STIM2: variants seen among roughly 807,000 people sequenced by gnomAD.
STIM2 encodes stromal interaction molecule 2.
In STIM2, 31 loss-of-function variants were observed where a neutral mutation model predicts 85.8. That is an observed-to-expected ratio of 0.36 (90% CI 0.27 to 0.49). STIM2 has a LOEUF of 0.49. Among genes scored for constraint, STIM2 ranks in the 20% least tolerant of loss-of-function variants. STIM2 has a pLI of 0.98. For missense variants in STIM2, 841 were observed against 927.6 expected, an observed-to-expected ratio of 0.91 and a Z score of 1.21; for synonymous variants, 356 against 331.1, an observed-to-expected ratio of 1.08 and a Z score of -0.82.
intron 1 of STIM2, among the ~76,000 whole-genome samples, chr4:26,912,173 T>C (rs1417624457): frequency 6.6e-6 from 1 of 152,198 alleles, no homozygotes; most frequent in African/African-American, 2.4e-5. Context: ...TAAAAAGTTC[T>C]CTCAGTGGTA....
At chr4:26,880,036 A>G (rs1025469448) in intron 1 of STIM2, among the ~76,000 whole-genome samples, 14 of 152,208 alleles carry the variant, frequency 9.2e-5, no homozygotes, top group African/African-American at 3.4e-4. Context: ...TACACATAAG[A>G]TAATTTTCTC....
chr4:26,980,871 T>G (rs972418488), intron 3 of STIM2, among the ~76,000 whole-genome samples: 2 of 152,174 alleles, frequency 1.3e-5, no homozygotes, highest in Non-Finnish European at 2.9e-5. Context: ...ATTAGAAGCT[T>G]TTTCAATATT....
In STIM2 at chr4:26,878,534, C is replaced by T. The variant is rs142785921; in HGVS notation, c.151+17165C>T. 1.1e-4 allele frequency among the ~76,000 whole-genome samples: 17 copies of T among 152,222 alleles called. No homozygotes were observed. In the East Asian group the frequency reaches 3.3e-3, roughly 29 times the overall value. The stretch of plus-strand genomic sequence containing the variant: ...TGGGAGAGGTAATTACCTGCTTCTC[C>T]TAGTCTGTAATTGTCTCTCAGACTC... On this transcript the variant is annotated intron_variant, in intron 1 of 11. Coordinates refer to ENST00000467087, the MANE Select transcript of STIM2 (RefSeq NM_020860.4).
chr4:26,966,499 A>G (rs1726723614), intron 3 of STIM2, among the ~76,000 whole-genome samples: 1 of 152,186 alleles, frequency 6.6e-6, no homozygotes, highest in Non-Finnish European at 1.5e-5. Flanking sequence ...TCTTTCTCAG[A>G]CAAGTCTTAT....
chr4:26,899,923 C>T (rs932241479), intron 1 of STIM2, among the ~76,000 whole-genome samples: 26 of 152,194 alleles, frequency 1.7e-4, no homozygotes, highest in Middle Eastern at 3.4e-3. Flanking sequence ...CTGGCTCTGC[C>T]AATTACTGTC....
intron 10 of STIM2, among the ~76,000 whole-genome samples, chr4:27,016,193 C>G (rs1728725596): frequency 6.6e-6 from 1 of 152,070 alleles, no homozygotes; most frequent in East Asian, 1.9e-4. Flanking sequence ...TTTCTTTTCT[C>G]ATATTTTCAA....
At chr4:26,921,191 A>G (rs1560207947) in intron 2 of STIM2, among the ~76,000 whole-genome samples, 1 of 152,208 alleles carries the variant, frequency 6.6e-6, no homozygotes, top group Non-Finnish European at 1.5e-5. Context: ...ATAACTGCAA[A>G]TCAAGGAATG....
Position 26,994,968 on chromosome 4 carries a change from C to T in STIM2, c.398-411C>T, listed in dbSNP as rs182218632. 1.6e-3 allele frequency among the ~76,000 whole-genome samples: 251 copies of T among 152,166 alleles called. 1 individual carries two copies. The highest frequency in any genetic ancestry group is 5.0e-3 in the Admixed American group (76 of 15,260). ...TTAAGTTCCATACAAGGACTTTATCCGTTTTATTCACTGCCATATGCCCAG... is the reference window on the plus strand; with the variant it reads ...TTAAGTTCCATACAAGGACTTTATCTGTTTTATTCACTGCCATATGCCCAG... On this transcript the variant is annotated intron_variant, in intron 3 of 11. Transcript: ENST00000467087.
intron 3 of STIM2, among the ~76,000 whole-genome samples, chr4:26,986,709 C>G (rs762192143): frequency 1.2e-4 from 19 of 152,210 alleles, no homozygotes; most frequent in Non-Finnish European, 2.2e-4. Flanking sequence ...TGGTTCTGTT[C>G]TGGAGCCAAG....
rs927241762 is a variant in STIM2 at position 27,022,748 on chromosome 4, A to G, written c.1993A>G (p.Ser665Gly). Residue 665 changes from serine (S) to glycine (G), a missense_variant, in exon 12 of 12, where the codon AGT becomes GGT. Ser to Gly is a moderately conservative substitution (Grantham distance 56). Transcript: ENST00000467087. ...GACAGAAACTAAGAGTATGATCTTCAGTCCTGCAAGCAAAGTGTACAATGG... is the reference window on the plus strand; with the variant it reads ...GACAGAAACTAAGAGTATGATCTTCGGTCCTGCAAGCAAAGTGTACAATGG... The G allele has an allele frequency of 8.7e-6, 14 of 1,614,228 alleles. No individual in the cohort carries two copies. The highest frequency in any genetic ancestry group is 1.2e-5 in the Non-Finnish European group (14 of 1,180,042).
intron 1 of STIM2, among the ~76,000 whole-genome samples, chr4:26,868,459 A>T (rs35667117): frequency 0.086 from 13,089 of 152,246 alleles, 687 homozygotes; most frequent in East Asian, 0.19. Flanking sequence ...ATTTTAATTT[A>T]AAAAATGCTT....
Position 27,002,224 on chromosome 4 carries a change from T to A in STIM2, c.633T>A (p.Pro211=). The A allele has an allele frequency of 6.2e-7, 1 of 1,607,866 alleles. No homozygotes were observed. Among genetic ancestry groups the A allele is most frequent in the Non-Finnish European group, 8.5e-7 (1 of 1,178,194 alleles). ...CTGTAATTCTTTTAATAGGCCCACC[T>A]CATAACTGGATGAAAGATTTTATCC... Residue 211 remains proline, a synonymous_variant, in exon 6 of 12, where the codon CCT becomes CCA. Transcript: ENST00000467087.
intron 2 of STIM2, among the ~76,000 whole-genome samples, chr4:26,954,235 A>T (rs1577460076): frequency 6.6e-6 from 1 of 152,224 alleles, no homozygotes; most frequent in African/African-American, 2.4e-5. Flanking sequence ...CAAACTGGAT[A>T]TGTAAAGCAT....
At position 27,022,836 on chromosome 4, in the gene STIM2, G is replaced by T. The variant is rs150484445; in HGVS notation, c.2081G>T (p.Arg694Leu). ...AGTGGCATCCCGGTGCCTAAACCTC[G>T]CCACACATCATGTTCCTCAGCTGGC... The change falls in exon 12 of 12, where the codon CGC (arginine) becomes CTC (leucine). Residue 694 changes from arginine to leucine, a missense_variant. This residue lies in a region of STIM2 where 293 missense variants were observed against 284.5 expected (regional missense o/e 1.03). Transcript: ENST00000467087. The T allele has an allele frequency of 3.6e-5, 58 of 1,613,992 alleles. No homozygotes were observed. Among genetic ancestry groups the T allele is most frequent in the Non-Finnish European group, 4.6e-5 (54 of 1,180,032 alleles).
At chr4:26,993,568 A>G (rs1727842288) in intron 3 of STIM2, among the ~76,000 whole-genome samples, 1 of 152,112 alleles carries the variant, frequency 6.6e-6, no homozygotes. Context: ...TTATATACAG[A>G]TGGATTCCCA....
chr4:27,021,061 A>G (rs1343885339), intron 11 of STIM2: 1 of 1,536,610 alleles, frequency 6.5e-7, no homozygotes. Context: ...AGCTCTCAAA[A>G]AAAAAAAGTG....
chr4:26,923,528 G>A (rs1336073492), intron 2 of STIM2, among the ~76,000 whole-genome samples: 15 of 137,502 alleles, frequency 1.1e-4, no homozygotes, highest in East Asian at 4.3e-4. Flanking sequence ...TGAAGGAAGC[G>A]CTAAACATGG....
Position 26,881,877 on chromosome 4 carries a change from C to T in STIM2, c.151+20508C>T, listed in dbSNP as rs73811396. Among the ~76,000 whole-genome samples the T allele has an allele frequency of 3.8e-3, 579 of 152,130 alleles. 4 individuals carry two copies. The highest frequency in any genetic ancestry group is 0.013 in the African/African-American group (545 of 41,498). On this transcript the variant is annotated intron_variant, in intron 1 of 11. Transcript: ENST00000467087. ...CATTTATTTGCCTAAATCTTTTCTCCACTGTGGATTTTAAGGGCAGCTTCC... is the reference window on the plus strand; with the variant it reads ...CATTTATTTGCCTAAATCTTTTCTCTACTGTGGATTTTAAGGGCAGCTTCC...
intron 1 of STIM2, among the ~76,000 whole-genome samples, chr4:26,911,103 G>A (rs974531066): frequency 1.3e-5 from 2 of 152,002 alleles, no homozygotes; most frequent in Non-Finnish European, 2.9e-5. Context: ...CAGGCGTGGT[G>A]GTGGGCGCCT....
Sources: gnomAD v4.1 joint callset for allele counts (sites outside exome capture counted in the v4.1 genomes callset) on GRCh38, gnomAD v4.1.1 for gene constraint, gnomAD v4.1.1 regional missense constraint, MANE v1.5 for transcripts, NCBI Gene and HGNC (gene_info 2026-07-23, HGNC 2026-07-21) for gene names.